SEMA6C: variants seen among roughly 807,000 people sequenced by gnomAD.
SEMA6C encodes the protein semaphorin-6C.
SEMA6C carries 37 observed loss-of-function variants against 72.9 expected under a neutral mutation model. The observed-to-expected ratio is 0.51, with a 90% CI of 0.39 to 0.67. The LOEUF (loss-of-function observed/expected upper bound fraction) is 0.67. Ranked by LOEUF, SEMA6C falls within the 30% of genes least tolerant of loss-of-function variation. SEMA6C has a pLI of 0.00. For synonymous variants in SEMA6C, 578 were observed against 554.1 expected (o/e 1.04, Z -0.61); for missense variants, 1,189 against 1,263.6 (o/e 0.94, Z 0.89).
chr1:151,143,215 G>A (rs939337390), intron 2 of SEMA6C, among the ~76,000 whole-genome samples: 4 of 152,168 alleles, frequency 2.6e-5, no homozygotes, highest in African/African-American at 9.7e-5. Flanking sequence ...GACACAGTTG[G>A]GGGAGGCAGC....
In SEMA6C at chr1:151,132,946, C is replaced by A; in HGVS notation, c.2331G>T (p.Pro777=). The change falls in exon 19 of 19, where the codon CCG becomes CCT. Residue 777 remains proline, a synonymous_variant. Transcript: ENST00000368914. ...GCTCGGCCCCCTTTCTGGGCGGCTG[C>A]GGGCCGTGCAGGTAGCGCAGCAGTT... ...LEELLRYLHG[P]QPPRKGAEPP... The A allele has an allele frequency of 7.1e-7, 1 of 1,405,408 alleles. No individual in the cohort carries two copies. Among genetic ancestry groups the A allele is most frequent in the Non-Finnish European group, 9.3e-7 (1 of 1,076,670 alleles). 87.1% of individuals were successfully genotyped at this position (1,405,408 alleles called of 1,614,324 possible).
At position 151,133,523 on chromosome 1, in the gene SEMA6C, G is replaced by C. The variant is rs1287269413; in HGVS notation, c.1760-6C>G. ...GGGCAGGTCCCGGCGCACGCCTGCC[G>C]ACCGAGAGGGAGGAGGGAGGCTCAG... On this transcript the variant is annotated splice_region_variant and splice_polypyrimidine_tract_variant and intron_variant, in intron 18 of 18. Transcript: ENST00000368914. This position sits in a 1 kb window ranked among gnomAD's most constrained non-coding sequence, Gnocchi z 5.9. 10 of 1,500,162 alleles carry C rather than the reference G, an allele frequency of 6.7e-6. No homozygotes were observed. Among genetic ancestry groups the C allele is most frequent in the Non-Finnish European group, 8.9e-6 (10 of 1,127,534 alleles). 92.9% of individuals were successfully genotyped at this position (1,500,162 alleles called of 1,614,324 possible).
intron 18 of SEMA6C, 160 bp downstream of exon 18, chr1:151,134,241 G>A: frequency 1.3e-6 from 1 of 787,548 alleles, no homozygotes. Flanking sequence ...GTACCCTACT[G>A]TGTGCCAAGT....
rs1169823429 is a variant in SEMA6C at position 151,132,456 on chromosome 1, C to G, written c.*28G>C. 1 of 1,539,406 alleles carries G rather than the reference C, an allele frequency of 6.5e-7. No homozygotes were observed. Among genetic ancestry groups the G allele is most frequent in the Non-Finnish European group, 8.8e-7 (1 of 1,140,758 alleles). On this transcript the variant is annotated 3_prime_UTR_variant, in exon 19 of 19. Coordinates refer to ENST00000368914, the MANE Select transcript of SEMA6C (RefSeq NM_030913.6). ...GTGGCCGAGAGGACTCGGGCGCTCC[C>G]CACGCTGGAGGCCGTGGGCCGCTCC... is the stretch of plus-strand genomic sequence containing the variant.
chr1:151,134,615 TTTACC>T lies in SEMA6C; in HGVS notation c.1714_1714+4del. On this transcript the variant is annotated splice_donor_variant and splice_donor_region_variant and coding_sequence_variant and intron_variant, in exon 17 of 19. Coordinates refer to ENST00000368914, the MANE Select transcript of SEMA6C (RefSeq NM_030913.6). LOFTEE classifies it high-confidence loss of function. ...GCTGCAACAGCAGCTGCCTCTTCTG[TTTACC>T]TTGGCAGTCACCATGCTCCATGGAT... 1 of 1,614,096 alleles carries T rather than the reference TTTACC, an allele frequency of 6.2e-7. No homozygotes were observed. The highest frequency in any genetic ancestry group is 2.2e-5 in the East Asian group (1 of 44,884).
chr1:151,142,406 C>T (rs201014616), intron 3 of SEMA6C, 98 bp downstream of exon 3: 1 of 1,438,204 alleles, frequency 7.0e-7, no homozygotes, highest in Non-Finnish European at 9.6e-7. Context: ...TGTTAGCTTC[C>T]TGAGGCTGGG....
chr1:151,138,302 G>A lies in SEMA6C; in HGVS notation c.547+14C>T, dbSNP rs1682233790. 3 of 1,612,666 alleles carry A rather than the reference G, an allele frequency of 1.9e-6. No individual in the cohort carries two copies. Among genetic ancestry groups the A allele is most frequent in the Non-Finnish European group, 2.5e-6 (3 of 1,179,174 alleles). On this transcript the variant is annotated intron_variant, in intron 8 of 18. Coordinates refer to ENST00000368914, the MANE Select transcript of SEMA6C (RefSeq NM_030913.6). ...CCAGCCACATGCTTTCTTCTCACAT[G>A]CCCAGTTGCACACCTGCAAAGATGG...
rs1185019818 is a variant in SEMA6C, at chr1:151,132,028, C to T, written c.*456G>A. The T allele has an allele frequency of 5.3e-6, 2 of 379,168 alleles. No homozygotes were observed. The highest frequency in any genetic ancestry group is 4.5e-5 in the Admixed American group (1 of 21,996). The allele number at this position is 379,168 out of a possible 1,614,324, so 23.5% of individuals were successfully genotyped here. ...AGCGAGCCGACCGACTGCCGCCCTC[C>T]CCCGCCCGAGTGAAGTCAGGCAGTG... On this transcript the variant is annotated 3_prime_UTR_variant, in exon 19 of 19. Coordinates refer to ENST00000368914, the MANE Select transcript of SEMA6C (RefSeq NM_030913.6).
At chr1:151,134,167 T>C (rs2101613753) in intron 18 of SEMA6C, 2 of 818,358 alleles carry the variant, frequency 2.4e-6, no homozygotes, top group East Asian at 2.7e-5. Context: ...AACGCCAGCC[T>C]CTAGTTTCTT....
chr1:151,137,918 C>T (rs991970891), intron 9 of SEMA6C, 68 bp downstream of exon 9: 62 of 1,591,606 alleles, frequency 3.9e-5, no homozygotes, highest in Middle Eastern at 3.3e-4. Flanking sequence ...TTTGCCTGCT[C>T]CCCGCCACAG....
Position 151,137,069 on chromosome 1 carries a change from C to T in SEMA6C, c.762G>A (p.Gln254=). The T allele has an allele frequency of 6.2e-7, 1 of 1,613,124 alleles. No homozygotes were observed. The highest frequency in any genetic ancestry group is 8.5e-7 in the Non-Finnish European group (1 of 1,179,972). Reference sequence around the variant, plus strand: ...TACATACTCGGGCTACGCGGGAGAACTGCACCTAGGGGAGGAGAGTGGAGT... The same window carrying T: ...TACATACTCGGGCTACGCGGGAGAATTGCACCTAGGGGAGGAGAGTGGAGT... ...SVEDARLGRV[Q]FSRVARVCKR... is the part of the protein sequence containing the mutation. Residue 254 remains glutamine (Q), a synonymous_variant, in exon 11 of 19, where the codon CAG becomes CAA. Coordinates refer to ENST00000368914, the MANE Select transcript of SEMA6C (RefSeq NM_030913.6).
At position 151,133,598 on chromosome 1, in the gene SEMA6C, C is replaced by T; in HGVS notation, c.1760-81G>A. 7.0e-7 allele frequency: 1 copy of T among 1,436,510 alleles called. No homozygotes were observed. The highest frequency in any genetic ancestry group is 1.5e-5 in the South Asian group (1 of 67,942). The allele number at this position is 1,436,510 out of a possible 1,614,324, so 89.0% of individuals were successfully genotyped here. On this transcript the variant is annotated intron_variant, in intron 18 of 18. Transcript: ENST00000368914. The surrounding 1 kb of genome is among the most constrained non-coding windows in gnomAD (Gnocchi z 5.9). The stretch of plus-strand genomic sequence containing the variant: ...CTAGGCCCAGAGGCGCCGGCAGTTC[C>T]CAGGCCTGACATCATCGTCCCTCCC...
chr1:151,132,072 T>C lies in SEMA6C; in HGVS notation c.*412A>G, dbSNP rs929678203. ...GGCAGTGGCTGCAGACACGGCTGTA[T>C]TGGGAAGCGGAGGCTCCTACACAGT... On this transcript the variant is annotated 3_prime_UTR_variant, in exon 19 of 19. Coordinates refer to ENST00000368914, the MANE Select transcript of SEMA6C (RefSeq NM_030913.6). 2 of 572,146 alleles carry C rather than the reference T, an allele frequency of 3.5e-6. No individual in the cohort carries two copies. The highest frequency in any genetic ancestry group is 2.0e-5 in the African/African-American group (1 of 49,734). The allele number at this position is 572,146 out of a possible 1,614,324, so 35.4% of individuals were successfully genotyped here.
Position 151,132,810 on chromosome 1 carries a change from G to C in SEMA6C, c.2467C>G (p.Pro823Ala). 1 of 1,329,412 alleles carries C rather than the reference G, an allele frequency of 7.5e-7. No individual in the cohort carries two copies. The highest frequency in any genetic ancestry group is 9.6e-7 in the Non-Finnish European group (1 of 1,038,994). 82.4% of individuals were successfully genotyped at this position (1,329,412 alleles called of 1,614,324 possible). ...GCAGAGGCGCACCTGCCCTCGGGGGGCACGTCCAGCCTCAGCGGCGAGGCG... is the reference window on the plus strand; with the variant it reads ...GCAGAGGCGCACCTGCCCTCGGGGGCCACGTCCAGCCTCAGCGGCGAGGCG... Reference protein sequence around the residue: ...ECASPLRLDVPPEGRCASAPA... With the variant: ...ECASPLRLDVAPEGRCASAPA... The change falls in exon 19 of 19, where the codon CCC (proline) becomes GCC (alanine). Residue 823 changes from proline to alanine, a missense_variant. This residue lies in a region of SEMA6C where 721 missense variants were observed against 686.2 expected (regional missense o/e 1.05). Transcript: ENST00000368914.
chr1:151,142,573 G>A lies in SEMA6C; in HGVS notation c.49C>T (p.Leu17Phe), dbSNP rs376286699. 7 of 1,602,892 alleles carry A rather than the reference G, an allele frequency of 4.4e-6. No homozygotes were observed. The African/African-American group carries it at 9.4e-5, about 22-fold the overall frequency. Reference protein sequence around the residue: ...FMPLLLLLLLLSLPHTQAAFP... With the variant: ...FMPLLLLLLLFSLPHTQAAFP... Reference sequence around the variant, plus strand: ...GCGGCCTGAGTATGGGGAAGTGAGAGCAGCAGCAGCAGTAGCAGCAAGGGC... The same window carrying A: ...GCGGCCTGAGTATGGGGAAGTGAGAACAGCAGCAGCAGTAGCAGCAAGGGC... The change falls in exon 3 of 19, where the codon CTC becomes TTC. Residue 17 changes from leucine to phenylalanine, a missense_variant. Leu to Phe is a conservative substitution (Grantham distance 22). Coordinates refer to ENST00000368914, the MANE Select transcript of SEMA6C (RefSeq NM_030913.6).
Position 151,138,710 on chromosome 1 carries a change from G to A in SEMA6C, c.376C>T (p.Arg126Cys), listed in dbSNP as rs1214468588. ...TGGGAGTCCCAGGGAACAAGAACAC[G>A]AATATAGTTGTAGCACTCATCCTAG... ...KLTDECYNYI[R>C]VLVPWDSQTL... The change falls in exon 7 of 19, where the codon CGT becomes TGT. Residue 126 changes from arginine (R) to cysteine (C), a missense_variant. By Grantham distance (180) the Arg-to-Cys change is radical (BLOSUM62 -3). Transcript: ENST00000368914. 1.9e-6 allele frequency: 3 copies of A among 1,614,060 alleles called. No homozygotes were observed. Among genetic ancestry groups the A allele is most frequent in the Non-Finnish European group, 1.7e-6 (2 of 1,179,924 alleles).
At chr1:151,142,710 C>A (rs12569193) in intron 2 of SEMA6C, 35 bp from the exon 3 acceptor site, 4 of 1,138,278 alleles carry the variant, frequency 3.5e-6, no homozygotes, top group Non-Finnish European at 4.9e-6. Context: ...GGGGGAGGAG[C>A]GAAGTTCCCT....
rs781296969 is a variant in SEMA6C at position 151,134,298 on chromosome 1, T to C, written c.1759+103A>G. On this transcript the variant is annotated intron_variant, in intron 18 of 18. Coordinates refer to ENST00000368914, the MANE Select transcript of SEMA6C (RefSeq NM_030913.6). ...CTGGAGGATGCCGACCCTTTTCCGA[T>C]ACTCCCAGGGTATTCAGAATGCTGC... 1,304 of 1,175,880 alleles carry C rather than the reference T, an allele frequency of 1.1e-3. 3 individuals are homozygous for C. Among genetic ancestry groups the C allele is most frequent in the Non-Finnish European group, 1.6e-3 (1,252 of 806,512 alleles). The allele number at this position is 1,175,880 out of a possible 1,614,324, so 72.8% of individuals were successfully genotyped here. A position where few individuals can be genotyped will look rare whatever the true frequency, so the allele number is the denominator to read the frequency against.
intron 8 of SEMA6C, 102 bp downstream of exon 8, chr1:151,138,214 A>G (rs587739984): frequency 8.7e-5 from 138 of 1,580,198 alleles, no homozygotes; most frequent in Admixed American, 6.9e-4. Context: ...CCCTACCTCA[A>G]CCCTCCACTC....
Sources: allele counts gnomAD v4.1 joint callset (sites outside exome capture counted in the v4.1 genomes callset), GRCh38; gene constraint gnomAD v4.1.1; regional missense constraint gnomAD v4.1.1; non-coding constraint Gnocchi (gnomAD v3.1); transcripts MANE v1.5; gene names NCBI Gene and HGNC (gene_info 2026-07-23, HGNC 2026-07-21).